ARID5B: variants seen among roughly 807,000 people sequenced by gnomAD.
The protein encoded by ARID5B is AT-rich interactive domain-containing protein 5B.
In ARID5B, 13 loss-of-function variants were observed where a neutral mutation model predicts 97.2. That is an observed-to-expected ratio of 0.13 (90% confidence interval 0.09 to 0.21). The LOEUF (loss-of-function observed/expected upper bound fraction) is 0.21. ARID5B is among the 10% of genes least tolerant of loss of function. The probability of loss-of-function intolerance (pLI) is 1.00; values close to 1 mark genes in which losing one functional copy is unlikely to be tolerated. For synonymous variants in ARID5B, 556 were observed against 570.3 expected (o/e 0.97, Z 0.36); for missense variants, 1,210 against 1,465.3 (o/e 0.83, Z 2.84).
chr10:61,932,110 G>T (rs375948524), intron 2 of ARID5B, among the ~76,000 whole-genome samples: 2 of 152,054 alleles, frequency 1.3e-5, no homozygotes, highest in African/African-American at 4.8e-5. Flanking sequence ...AATGAATATC[G>T]CAATAAAGCT....
chr10:61,972,542 C>CA (rs1056103996), intron 3 of ARID5B, among the ~76,000 whole-genome samples: 4 of 152,198 alleles, frequency 2.6e-5, no homozygotes, highest in Non-Finnish European at 1.5e-5. Flanking sequence ...ATCATGCTTT[C>CA]AAAAACACTT....
At chr10:62,059,170 AAT>A in intron 6 of ARID5B, 71 bp from the exon 7 acceptor site, 2 of 1,255,388 alleles carry the variant, frequency 1.6e-6, no homozygotes, top group Non-Finnish European at 2.2e-6. Context: ...TGAAAAAAAA[AAT>A]GTTTTAATTG....
intron 2 of ARID5B, among the ~76,000 whole-genome samples, chr10:61,936,477 G>A (rs1264781344): frequency 6.6e-6 from 1 of 152,182 alleles, no homozygotes; most frequent in African/African-American, 2.4e-5. Flanking sequence ...GATTAGCCAG[G>A]CGTGATGGCA....
chr10:62,079,432 C>A (rs533356396), intron 8 of ARID5B, among the ~76,000 whole-genome samples: 22 of 152,214 alleles, frequency 1.4e-4, no homozygotes, highest in African/African-American at 5.3e-4. Flanking sequence ...TGCAGAGTGC[C>A]TGGTATTAAT....
chr10:61,987,340 G>A (rs1021382090), intron 3 of ARID5B, among the ~76,000 whole-genome samples: 2 of 152,194 alleles, frequency 1.3e-5, no homozygotes, highest in South Asian at 4.1e-4. Flanking sequence ...AATCTATCAT[G>A]TGCTTCGCTT....
At chr10:61,987,647 G>T (rs750308980) in intron 3 of ARID5B, among the ~76,000 whole-genome samples, 5 of 152,212 alleles carry the variant, frequency 3.3e-5, no homozygotes, top group Non-Finnish European at 7.3e-5. Context: ...CTGTGCCGTC[G>T]TAGTGTAAAA....
intron 2 of ARID5B, among the ~76,000 whole-genome samples, chr10:61,927,865 GA>G (rs971245168): frequency 7.8e-4 from 119 of 152,304 alleles, no homozygotes; most frequent in African/African-American, 2.6e-3. Context: ...GTCTCCAGCG[GA>G]GAGTGTGTGG....
intron 3 of ARID5B, among the ~76,000 whole-genome samples, chr10:61,969,711 A>G (rs1159825337): frequency 6.6e-6 from 1 of 152,186 alleles, no homozygotes; most frequent in Non-Finnish European, 1.5e-5. Context: ...TTACCCAACC[A>G]ATTTTCACTC....
At chr10:62,059,747 G>T (rs537571538) in intron 7 of ARID5B, among the ~76,000 whole-genome samples, 30 of 152,322 alleles carry the variant, frequency 2.0e-4, no homozygotes, top group South Asian at 1.5e-3. Context: ...CTAGGGCAAA[G>T]AAGCTTTATT....
intron 3 of ARID5B, among the ~76,000 whole-genome samples, chr10:61,942,000 T>C (rs1463212957): frequency 1.3e-5 from 2 of 152,204 alleles, no homozygotes; most frequent in East Asian, 3.8e-4. Flanking sequence ...TTAAAACCTT[T>C]CTTTTGTTTG....
At chr10:62,053,696 G>T (rs1050098246) in intron 5 of ARID5B, among the ~76,000 whole-genome samples, 6 of 152,146 alleles carry the variant, frequency 3.9e-5, no homozygotes, top group African/African-American at 1.4e-4. Context: ...TATCCCGTAT[G>T]CATTTTCTGA....
intron 5 of ARID5B, among the ~76,000 whole-genome samples, chr10:62,052,701 C>A (rs1043995025): frequency 6.6e-6 from 1 of 152,132 alleles, no homozygotes; most frequent in African/African-American, 2.4e-5. Context: ...TACAGATGGG[C>A]CATATTTGAT....
Position 61,940,180 on chromosome 10 carries a change from T to A in ARID5B, c.277-3T>A. 1 of 1,613,938 alleles carries A rather than the reference T, an allele frequency of 6.2e-7. No homozygotes were observed. The highest frequency in any genetic ancestry group is 8.5e-7 in the Non-Finnish European group (1 of 1,179,804). ...TTTGTTCTTCCCCAACCACCTCTTG[T>A]AGGATGAAGTCATTGCTGTTTCCGA... On this transcript the variant is annotated splice_region_variant and splice_polypyrimidine_tract_variant and intron_variant, in intron 2 of 9. Coordinates refer to ENST00000279873, the MANE Select transcript of ARID5B (RefSeq NM_032199.3).
At chr10:61,910,653 C>T (rs1001863567) in intron 2 of ARID5B, among the ~76,000 whole-genome samples, 2 of 152,158 alleles carry the variant, frequency 1.3e-5, no homozygotes, top group Non-Finnish European at 2.9e-5. Context: ...GCATCAGTAT[C>T]GACAACACAT....
chr10:61,915,723 C>G (rs1843889957), intron 2 of ARID5B, among the ~76,000 whole-genome samples: 1 of 152,166 alleles, frequency 6.6e-6, no homozygotes, highest in Admixed American at 6.5e-5. Context: ...TAGGCCAACT[C>G]TGGTCTACTA....
intron 4 of ARID5B, among the ~76,000 whole-genome samples, chr10:62,009,790 G>A (rs79600335): frequency 2.6e-5 from 4 of 152,292 alleles, no homozygotes; most frequent in East Asian, 3.9e-4. Context: ...AGGTCAAACC[G>A]TAGGTGCCAC....
At chr10:62,005,699 C>T (rs1438476870) in intron 4 of ARID5B, among the ~76,000 whole-genome samples, 1 of 152,096 alleles carries the variant, frequency 6.6e-6, no homozygotes, top group Non-Finnish European at 1.5e-5. Flanking sequence ...GGGACAAAAC[C>T]TTGAATTTTT....
intron 4 of ARID5B, among the ~76,000 whole-genome samples, chr10:62,036,238 T>TGTGCTTG (rs1325099483): frequency 4.6e-5 from 7 of 152,164 alleles, no homozygotes; most frequent in Non-Finnish European, 1.0e-4. Flanking sequence ...AGCTGTGTAA[T>TGTGCTTG]GTGCTTGGGA....
chr10:61,967,430 T>G (rs1346469889), intron 3 of ARID5B, among the ~76,000 whole-genome samples: 2 of 152,214 alleles, frequency 1.3e-5, no homozygotes, highest in Non-Finnish European at 2.9e-5. Context: ...TCTACCTTAC[T>G]TATCTTCAGC....
Sources: allele counts gnomAD v4.1 joint callset (sites outside exome capture counted in the v4.1 genomes callset), GRCh38; gene constraint gnomAD v4.1.1; transcripts MANE v1.5; gene names NCBI Gene and HGNC (gene_info 2026-07-23, HGNC 2026-07-21).